Variants in SMAD7 observed in about 807,000 individuals in gnomAD.
SMAD7 encodes SMAD family member 7, also known as MAD (mothers against decapentaplegic, Drosophila) homolog 7.
In SMAD7, 8 loss-of-function variants were observed where a neutral mutation model predicts 38.7. The ratio of observed to expected loss-of-function variants is 0.21; its 90% CI spans 0.12 to 0.37. The LOEUF is 0.37. Ranked by LOEUF, SMAD7 falls within the 10% of genes least tolerant of loss-of-function variation. SMAD7 has a pLI of 1.00. For synonymous variants in SMAD7, 327 were observed against 265.1 expected (o/e 1.23, Z -2.27); for missense variants, 477 against 577.9 (o/e 0.83, Z 1.79).
intron 1 of SMAD7, 94 bp downstream of exon 1, chr18:48,949,696 AGGAGGGTATGCACACTCCCCCT>A (rs1319091709): frequency 6.2e-6 from 7 of 1,134,770 alleles, no homozygotes; most frequent in African/African-American, 3.3e-5. Context: ...ACACTCTCCC[AGGAGGGTATGCACACTCCCCCT>A]GGAGGGATGG....
In SMAD7 at chr18:48,930,624, C is replaced by T. The variant is rs1253501326; in HGVS notation, c.743-8714G>A. Among the ~76,000 whole-genome samples the T allele has an allele frequency of 3.3e-5, 5 of 152,134 alleles. No individual in the cohort carries two copies. The East Asian group carries it at 9.7e-4, about 30-fold the overall frequency. ...CCCCCACCGCGCAGGGACAGACTGT[C>T]CCCTCCCCGCTTTCTCACTCCCTCT... On this transcript the variant is annotated intron_variant, in intron 3 of 3. Transcript: ENST00000262158.
At chr18:48,941,697 G>T (rs1326810438) in intron 3 of SMAD7, among the ~76,000 whole-genome samples, 1 of 152,200 alleles carries the variant, frequency 6.6e-6, no homozygotes, top group Non-Finnish European at 1.5e-5. Flanking sequence ...AAAACAGGTA[G>T]AAATAGGATT....
In SMAD7 at chr18:48,950,019, G is replaced by C; in HGVS notation, c.406C>G (p.Leu136Val). ...LLLPGRLDCR[L>V]GPGAPAGAQP... The stretch of plus-strand genomic sequence containing the variant: ...GCGCCGGCGGGCGCCCCCGGGCCCA[G>C]CCTGCAGTCCAGGCGGCCGGGCAGC... Residue 136 changes from leucine to valine, a missense_variant, in exon 1 of 4, where the codon CTG (leucine) becomes GTG (valine). Physicochemically the swap from Leu to Val is conservative, Grantham distance 32. Coordinates refer to ENST00000262158, the MANE Select transcript of SMAD7 (RefSeq NM_005904.4). 1 of 1,551,676 alleles carries C rather than the reference G, an allele frequency of 6.4e-7. No individual in the cohort carries two copies. The highest frequency in any genetic ancestry group is 8.7e-7 in the Non-Finnish European group (1 of 1,151,444).
At chr18:48,940,282 C>G (rs900193852) in intron 3 of SMAD7, among the ~76,000 whole-genome samples, 1 of 152,232 alleles carries the variant, frequency 6.6e-6, no homozygotes, top group Non-Finnish European at 1.5e-5. Flanking sequence ...GGAAGGCCCC[C>G]TCTTCTCTCT....
At chr18:48,937,583 G>A (rs2070085710) in intron 3 of SMAD7, among the ~76,000 whole-genome samples, 1 of 152,190 alleles carries the variant, frequency 6.6e-6, no homozygotes, top group African/African-American at 2.4e-5. Context: ...AGGGGGAAGT[G>A]CATGACCTGG....
intron 2 of SMAD7, among the ~76,000 whole-genome samples, chr18:48,947,370 A>C (rs2070206675): frequency 6.6e-6 from 1 of 152,214 alleles, no homozygotes; most frequent in Non-Finnish European, 1.5e-5. Context: ...TAGTGGGGGG[A>C]AAGGCCCAAC....
intron 3 of SMAD7, among the ~76,000 whole-genome samples, chr18:48,925,338 C>G (rs922061629): frequency 6.6e-6 from 1 of 152,206 alleles, no homozygotes; most frequent in East Asian, 1.9e-4. Flanking sequence ...AATCAGATGC[C>G]TGCTCACAGT....
chr18:48,927,241 C>A (rs2069939346), intron 3 of SMAD7, among the ~76,000 whole-genome samples: 1 of 152,174 alleles, frequency 6.6e-6, no homozygotes, highest in Non-Finnish European at 1.5e-5. Flanking sequence ...TCTCCACCAC[C>A]CCATGCTCTC....
chr18:48,950,553 C>T lies in SMAD7; in HGVS notation c.-129G>A. 3.4e-6 allele frequency: 3 copies of T among 891,886 alleles called. No individual in the cohort carries two copies. The highest frequency in any genetic ancestry group is 7.2e-4 in the Middle Eastern group (2 of 2,786). The allele number at this position is 891,886 out of a possible 1,614,324, so 55.2% of individuals were successfully genotyped here. On this transcript the variant is annotated 5_prime_UTR_variant, in exon 1 of 4. Coordinates refer to ENST00000262158, the MANE Select transcript of SMAD7 (RefSeq NM_005904.4). ...AGGCGACAGCAGCAGCAGCAGGGGC[C>T]CGGGCAGGAGCGGCGGCGGCCCGAG... is the stretch of plus-strand genomic sequence containing the variant.
At chr18:48,927,833 C>G (rs1406509927) in intron 3 of SMAD7, among the ~76,000 whole-genome samples, 1 of 152,160 alleles carries the variant, frequency 6.6e-6, no homozygotes, top group East Asian at 1.9e-4. Flanking sequence ...AGGCTGTGTT[C>G]TCTAAGTGGC....
chr18:48,927,778 C>G (rs1049283374), intron 3 of SMAD7, among the ~76,000 whole-genome samples: 2 of 152,204 alleles, frequency 1.3e-5, no homozygotes, highest in Non-Finnish European at 1.5e-5. Context: ...CATGGTAGAA[C>G]AGTTCTGGGC....
intron 3 of SMAD7, among the ~76,000 whole-genome samples, chr18:48,931,586 A>G (rs1239200167): frequency 6.6e-6 from 1 of 152,260 alleles, no homozygotes; most frequent in East Asian, 1.9e-4. Context: ...TTATTTTAAA[A>G]TGGAAGCAGT....
At chr18:48,949,624 C>G (rs1263914590) in intron 1 of SMAD7, among the ~76,000 whole-genome samples, 188 bp downstream of exon 1, 1 of 152,202 alleles carries the variant, frequency 6.6e-6, no homozygotes, top group Non-Finnish European at 1.5e-5. Flanking sequence ...CTTGTCCCTT[C>G]TCTACTTTCA....
At chr18:48,933,539 C>T (rs78949788) in intron 3 of SMAD7, 2,000 of 152,734 alleles carry the variant, frequency 0.013, 18 homozygotes, top group Non-Finnish European at 0.019. Flanking sequence ...TCTTCCAAAG[C>T]AGCGGGCCCA....
intron 3 of SMAD7, among the ~76,000 whole-genome samples, chr18:48,922,687 A>G (rs2069876421): frequency 6.6e-6 from 1 of 152,204 alleles, no homozygotes; most frequent in Admixed American, 6.5e-5. Flanking sequence ...AGCTTCCTCC[A>G]GCCCAGACAG....
chr18:48,944,481 G>A (rs769201590), intron 2 of SMAD7, among the ~76,000 whole-genome samples: 9 of 152,328 alleles, frequency 5.9e-5, no homozygotes, highest in Non-Finnish European at 1.3e-4. Flanking sequence ...ATTTACAAAC[G>A]TTAATTAAGC....
intron 3 of SMAD7, among the ~76,000 whole-genome samples, chr18:48,939,359 G>A (rs2070109168): frequency 6.6e-6 from 1 of 151,854 alleles, no homozygotes; most frequent in Admixed American, 6.6e-5. Flanking sequence ...CTAACGACCA[G>A]GCCTGTCGTC....
At chr18:48,930,581 C>T (rs1254765127) in intron 3 of SMAD7, among the ~76,000 whole-genome samples, 3 of 152,140 alleles carry the variant, frequency 2.0e-5, no homozygotes, top group Non-Finnish European at 4.4e-5. Flanking sequence ...GTGACTGCAG[C>T]AGCCCAGCAC....
chr18:48,950,163 C>T lies in SMAD7; in HGVS notation c.262G>A (p.Ala88Thr), dbSNP rs908222302. 5.3e-5 allele frequency: 79 copies of T among 1,486,770 alleles called. No individual in the cohort carries two copies. The Admixed American group carries it at 1.8e-3, about 34-fold the overall frequency. 92.1% of individuals were successfully genotyped at this position (1,486,770 alleles called of 1,614,324 possible). Residue 88 changes from alanine (A) to threonine (T), a missense_variant, in exon 1 of 4, where the codon GCC becomes ACC. Around this residue, in one of 2 missense-constraint regions of SMAD7, gnomAD observed 376 missense variants for 379.4 expected, o/e 0.99. Coordinates refer to ENST00000262158, the MANE Select transcript of SMAD7 (RefSeq NM_005904.4). ...PAAGAGAAGG[A>T]EADLKALTHS... ...GTGAGCGCCTTCAGATCCGCCTCGG[C>T]GCCCCCGGCCGCGCCGGCGCCCGCG...
Sources: gnomAD v4.1 joint callset for allele counts (sites outside exome capture counted in the v4.1 genomes callset) on GRCh38, gnomAD v4.1.1 for gene constraint, gnomAD v4.1.1 regional missense constraint, MANE v1.5 for transcripts, NCBI Gene and HGNC (gene_info 2026-07-23, HGNC 2026-07-21) for gene names.